TGDS: variants seen among roughly 807,000 people sequenced by gnomAD.
TGDS encodes the protein UDP-D-glucose 4,6-dehydratase.
In TGDS, 47 loss-of-function variants were observed where a neutral mutation model predicts 52.3. The observed-to-expected ratio is 0.90, with a 90% confidence interval of 0.71 to 1.15. TGDS has a LOEUF of 1.15. Among genes scored for constraint, TGDS ranks in the 50% most tolerant of loss-of-function variants. The pLI, the probability that TGDS is intolerant of heterozygous loss-of-function variation, is 0.00. For synonymous variants in TGDS, 115 were observed against 136.9 expected (o/e 0.84, Z 1.12); for missense variants, 375 against 418.4 (o/e 0.90, Z 0.90).
chr13:94,580,706 G>A (rs1245075632), intron 6 of TGDS, among the ~76,000 whole-genome samples: 1 of 152,226 alleles, frequency 6.6e-6, no homozygotes, highest in Non-Finnish European at 1.5e-5. Context: ...GTATATTCAA[G>A]ATTCAAGTTA....
chr13:94,575,401 T>C (rs1445149387), intron 11 of TGDS, among the ~76,000 whole-genome samples: 1 of 149,672 alleles, frequency 6.7e-6, no homozygotes, highest in Non-Finnish European at 1.5e-5. Flanking sequence ...GAGATCCTCC[T>C]ACCTCACCCT....
intron 6 of TGDS, among the ~76,000 whole-genome samples, chr13:94,580,180 A>G (rs1888737809): frequency 6.6e-6 from 1 of 152,212 alleles, no homozygotes; most frequent in African/African-American, 2.4e-5. Flanking sequence ...TTCTTTTATT[A>G]GTACAAGAAG....
chr13:94,581,054 G>C (rs1183678560), intron 6 of TGDS, 37 bp downstream of exon 6: 2 of 1,241,666 alleles, frequency 1.6e-6, no homozygotes, highest in East Asian at 5.1e-5. Context: ...TAAGTCCAAA[G>C]GAAAATGTTT....
chr13:94,588,388 A>G (rs1889074249), intron 4 of TGDS, among the ~76,000 whole-genome samples: 2 of 127,690 alleles, frequency 1.6e-5, no homozygotes, highest in Non-Finnish European at 3.1e-5. Context: ...ATGCCATTGC[A>G]CTCCAGCCTG....
intron 4 of TGDS, among the ~76,000 whole-genome samples, chr13:94,583,756 A>G (rs1351747478): frequency 6.6e-6 from 1 of 152,188 alleles, no homozygotes; most frequent in African/African-American, 2.4e-5. Flanking sequence ...GCATGGTTAA[A>G]AAACTAAAAA....
At chr13:94,591,141 CTA>C (rs939694747) in intron 3 of TGDS, among the ~76,000 whole-genome samples, 198 bp from the exon 4 acceptor site, 4 of 152,234 alleles carry the variant, frequency 2.6e-5, no homozygotes, top group Non-Finnish European at 5.9e-5. Context: ...TCAATTCAAA[CTA>C]TTTTTCCAAA....
chr13:94,581,225 G>C, intron 5 of TGDS, 36 bp from the exon 6 acceptor site: 2 of 1,347,380 alleles, frequency 1.5e-6, no homozygotes, highest in East Asian at 5.1e-5. Context: ...AAAGTGTTAT[G>C]CATATTTTAA....
At chr13:94,587,564 A>T (rs1889034798) in intron 4 of TGDS, among the ~76,000 whole-genome samples, 1 of 152,250 alleles carries the variant, frequency 6.6e-6, no homozygotes, top group Admixed American at 6.5e-5. Context: ...GGAAAAGTCA[A>T]GTCTTTTCAA....
intron 4 of TGDS, among the ~76,000 whole-genome samples, chr13:94,588,960 T>A (rs1401310439): frequency 6.6e-6 from 1 of 152,186 alleles, no homozygotes; most frequent in Non-Finnish European, 1.5e-5. Context: ...AAATTGGGGT[T>A]ATATAAGAAT....
Position 94,583,151 on chromosome 13 carries a change from T to A in TGDS, c.399A>T (p.Arg133Ser). 6.2e-7 allele frequency: 1 copy of A among 1,613,994 alleles called. No homozygotes were observed. Among genetic ancestry groups the A allele is most frequent in the Non-Finnish European group, 8.5e-7 (1 of 1,179,960 alleles). ...TGCTGACATAAATAAACTTCTCCAC[T>A]CTGGCTTCATGAGCAGCACTTACCA... The part of the protein sequence containing the change: ...HVLVSAAHEA[R>S]VEKFIYVSTD... The change falls in exon 5 of 12, where the codon AGA becomes AGT. Residue 133 changes from arginine (R) to serine (S), a missense_variant. Transcript: ENST00000261296.
chr13:94,579,391 T>A (rs1359706243), intron 7 of TGDS: 1 of 152,646 alleles, frequency 6.6e-6, no homozygotes, highest in Admixed American at 6.5e-5. Context: ...ATTCATTACT[T>A]GTAGTACTTT....
intron 4 of TGDS, among the ~76,000 whole-genome samples, chr13:94,589,660 A>G (rs1889123348): frequency 6.6e-6 from 1 of 152,220 alleles, no homozygotes; most frequent in African/African-American, 2.4e-5. Flanking sequence ...GAGAAATCCA[A>G]ATTACAAAAA....
rs116277595 is a variant in TGDS at position 94,594,291 on chromosome 13, A to G, written c.87-384T>C. On this transcript the variant is annotated intron_variant, in intron 1 of 11. Coordinates refer to ENST00000261296, the MANE Select transcript of TGDS (RefSeq NM_014305.4). ...TAGCATGCCTTTTCAGGAACTGCAG[A>G]TATAAGTATGTAAAAATGAAATTAC... is the stretch of plus-strand genomic sequence containing the variant. Among the ~76,000 whole-genome samples the G allele has an allele frequency of 2.9e-3, 444 of 152,326 alleles. 4 individuals are homozygous for G. The highest frequency in any genetic ancestry group is 0.01 in the African/African-American group (419 of 41,578).
At chr13:94,574,975 G>C (rs980192492) in intron 11 of TGDS, 123 bp from the exon 12 acceptor site, 21 of 562,638 alleles carry the variant, frequency 3.7e-5, no homozygotes, top group Non-Finnish European at 5.6e-5. Context: ...CAGCAGACAA[G>C]GGCTGACTAA....
chr13:94,579,849 G>C, intron 7 of TGDS, 45 bp downstream of exon 7: 1 of 1,103,454 alleles, frequency 9.1e-7, no homozygotes, highest in Non-Finnish European at 1.4e-6. Context: ...ACAATGAGAA[G>C]TTACAATCAC....
chr13:94,588,355 G>A (rs557531202), intron 4 of TGDS, among the ~76,000 whole-genome samples: 19 of 147,294 alleles, frequency 1.3e-4, no homozygotes, highest in African/African-American at 2.7e-4. Context: ...TCTGGGAGGC[G>A]GAGGTTGCAG....
chr13:94,585,328 G>A (rs994416381), intron 4 of TGDS, among the ~76,000 whole-genome samples: 6 of 152,028 alleles, frequency 3.9e-5, no homozygotes, highest in Admixed American at 6.5e-5. Flanking sequence ...GATTACAGGC[G>A]TGAGCCACTG....
In TGDS at chr13:94,578,762, T is replaced by C; in HGVS notation, c.627A>G (p.Lys209=). 6.6e-7 allele frequency: 1 copy of C among 1,522,204 alleles called. No homozygotes were observed. The highest frequency in any genetic ancestry group is 9.1e-7 in the Non-Finnish European group (1 of 1,100,918). 94.3% of individuals were successfully genotyped at this position (1,522,204 alleles called of 1,614,324 possible). A position where few individuals can be genotyped will look rare whatever the true frequency, so the allele number is the denominator to read the frequency against. ...PHQYPEKVIP[K]FISLLQHNRK... ...TGTTGTGCTGTAGCAAAGATATAAA[T>C]TTTGGAATAACCTAAAAGAATATTT... Residue 209 remains lysine (K), a synonymous_variant, in exon 8 of 12, where the codon AAA becomes AAG. Transcript: ENST00000261296.
At chr13:94,594,137 A>T (rs1889295951) in intron 1 of TGDS, among the ~76,000 whole-genome samples, 1 of 152,228 alleles carries the variant, frequency 6.6e-6, no homozygotes, top group African/African-American at 2.4e-5. Context: ...TATGCAGAAG[A>T]GAGAATGTAC....
Sources: gnomAD v4.1 joint callset for allele counts (sites outside exome capture counted in the v4.1 genomes callset) on GRCh38, gnomAD v4.1.1 for gene constraint, MANE v1.5 for transcripts, NCBI Gene and HGNC (gene_info 2026-07-23, HGNC 2026-07-21) for gene names.